CHD3: variants seen among roughly 807,000 people sequenced by gnomAD.
The protein encoded by CHD3 is chromodomain helicase DNA binding protein 3, also known as ATP-dependent chromatin remodeler CHD3.
In CHD3, 52 loss-of-function variants were observed where a neutral mutation model predicts 248.9. The ratio of observed to expected loss-of-function variants is 0.21; its 90% CI spans 0.17 to 0.26. CHD3 has a LOEUF of 0.26. Among genes scored for constraint, CHD3 ranks in the 10% least tolerant of loss-of-function variants. The pLI is 1.00. For missense variants in CHD3, 1,482 were observed against 2,605.8 expected (o/e 0.57, Z 9.39); for synonymous variants, 985 against 985.2 (o/e 1.00, Z 0.00).
upstream of CHD3, among the ~76,000 whole-genome samples, chr17:7,886,699 A>C (rs1370433241): frequency 6.6e-6 from 1 of 151,964 alleles, no homozygotes; most frequent in Non-Finnish European, 1.5e-5. The surrounding 1 kb of genome is among the most constrained non-coding windows in gnomAD (Gnocchi z 4.2). Flanking sequence ...TTGTGGGGAG[A>C]GGGTGCCTTT....
chr17:7,885,055 G>A (rs1210337591), upstream of CHD3: 3 of 999,062 alleles, frequency 3.0e-6, no homozygotes, highest in Non-Finnish European at 3.6e-6. Flanking sequence ...CGCCACCGCT[G>A]CCCCCGCCGC....
Position 7,910,209 on chromosome 17 carries a change from C to T in CHD3, c.5591-219C>T. The T allele has an allele frequency of 1.7e-6, 1 of 596,784 alleles. No homozygotes were observed. Among genetic ancestry groups the T allele is most frequent in the Admixed American group, 3.0e-5 (1 of 33,786 alleles). The allele number at this position is 596,784 out of a possible 1,614,324, so 37.0% of individuals were successfully genotyped here. ...TGTCTTCTGTGGTAATCTGGTCTCTCTGTCTCTTTTCCTGACACTTTTTCT... is the reference window on the plus strand; with the variant it reads ...TGTCTTCTGTGGTAATCTGGTCTCTTTGTCTCTTTTCCTGACACTTTTTCT... On this transcript the variant is annotated intron_variant, in intron 37 of 39. Coordinates refer to ENST00000330494, the MANE Select transcript of CHD3 (RefSeq NM_001005273.3). The surrounding 1 kb of genome is among the most constrained non-coding windows in gnomAD (Gnocchi z 4.7).
rs773705442 is a variant in CHD3 at position 7,906,620 on chromosome 17, G to A, written c.4426G>A (p.Asp1476Asn). The change falls in exon 29 of 40, where the codon GAT (aspartate) becomes AAT (asparagine). Residue 1476 changes from aspartate (D) to asparagine (N), a missense_variant. By Grantham distance (23) the Asp-to-Asn change is conservative. Around this residue, in one of 20 missense-constraint regions of CHD3, gnomAD observed 156 missense variants for 420.3 expected, o/e 0.37. Coordinates refer to ENST00000330494, the MANE Select transcript of CHD3 (RefSeq NM_001005273.3). The surrounding 1 kb of genome is among the most constrained non-coding windows in gnomAD (Gnocchi z 5.0). ...GGCAGACGGCTCTGAAACCTTTGCCGATGGGGTCCCTCGGGAGGGACTGAG... is the reference window on the plus strand; with the variant it reads ...GGCAGACGGCTCTGAAACCTTTGCCAATGGGGTCCCTCGGGAGGGACTGAG... ...PGADGSETFA[D>N]GVPREGLSRQ... 1 of 1,613,904 alleles carries A rather than the reference G, an allele frequency of 6.2e-7. No homozygotes were observed. The highest frequency in any genetic ancestry group is 8.5e-7 in the Non-Finnish European group (1 of 1,179,940).
In CHD3 at chr17:7,908,431, C is replaced by A; in HGVS notation, c.5182C>A (p.Arg1728=). The change falls in exon 35 of 40, where the codon CGG becomes AGG. Residue 1728 remains arginine (R), a synonymous_variant. Coordinates refer to ENST00000330494, the MANE Select transcript of CHD3 (RefSeq NM_001005273.3). The surrounding 1 kb of genome is among the most constrained non-coding windows in gnomAD (Gnocchi z 5.8). ...TCACACACTGTGGCAGAATGAGGAACGGGCAGCTATTTCCTCGGGGAAACT... is the reference window on the plus strand; with the variant it reads ...TCACACACTGTGGCAGAATGAGGAAAGGGCAGCTATTTCCTCGGGGAAACT... ...ELHTLWQNEE[R]AAISSGKLNE... is the part of the protein sequence containing the mutation. 6.2e-7 allele frequency: 1 copy of A among 1,613,640 alleles called. No individual in the cohort carries two copies. The highest frequency in any genetic ancestry group is 8.5e-7 in the Non-Finnish European group (1 of 1,179,746).
Position 7,894,573 on chromosome 17 carries a change from C to A in CHD3, c.1234C>A (p.Arg412=). Residue 412 remains arginine (R), a synonymous_variant, in exon 8 of 40, where the codon CGG becomes AGG. Coordinates refer to ENST00000330494, the MANE Select transcript of CHD3 (RefSeq NM_001005273.3). The part of the protein sequence containing the change: ...HLVCLDPELD[R]APEGKWSCPH... The stretch of plus-strand genomic sequence containing the variant: ...CGTCTGCCTTGATCCTGAGCTTGAC[C>A]GGGCTCCAGAGGGCAAATGGAGCTG... 6.2e-7 allele frequency: 1 copy of A among 1,613,936 alleles called. No homozygotes were observed. Among genetic ancestry groups the A allele is most frequent in the Non-Finnish European group, 8.5e-7 (1 of 1,179,916 alleles).
chr17:7,909,542 TGATA>T lies in CHD3; in HGVS notation c.5590+206_5590+209del, dbSNP rs1477711748. 1 of 702,658 alleles carries T rather than the reference TGATA, an allele frequency of 1.4e-6. No individual in the cohort carries two copies. Among genetic ancestry groups the T allele is most frequent in the African/African-American group, 1.9e-5 (1 of 53,746 alleles). 43.5% of individuals were successfully genotyped at this position (702,658 alleles called of 1,614,324 possible). A position where few individuals can be genotyped will look rare whatever the true frequency, so the allele number is the denominator to read the frequency against. Reference sequence around the variant, plus strand: ...GTGCAAGCCAACCCTCATCCATGTCTGATAGCATTCACATCCGTGCCCAATAGAG... The same window carrying T: ...GTGCAAGCCAACCCTCATCCATGTCTGCATTCACATCCGTGCCCAATAGAG... On this transcript the variant is annotated intron_variant, in intron 37 of 39. Transcript: ENST00000330494. This position sits in a 1 kb window ranked among gnomAD's most constrained non-coding sequence, Gnocchi z 8.1.
At position 7,908,571 on chromosome 17, in the gene CHD3, G is replaced by A; in HGVS notation, c.5261+61G>A. 1 of 1,501,028 alleles carries A rather than the reference G, an allele frequency of 6.7e-7. No individual in the cohort carries two copies. The allele number at this position is 1,501,028 out of a possible 1,614,324, so 93.0% of individuals were successfully genotyped here. On this transcript the variant is annotated intron_variant, in intron 35 of 39. Transcript: ENST00000330494. This position sits in a 1 kb window ranked among gnomAD's most constrained non-coding sequence, Gnocchi z 5.8. Reference sequence around the variant, plus strand: ...CTCTCAAGCTGGCAAAAAAAAAAAAGATGATTTCACACCCAGGGACAGGGC... The same window carrying A: ...CTCTCAAGCTGGCAAAAAAAAAAAAAATGATTTCACACCCAGGGACAGGGC...
Position 7,902,988 on chromosome 17 carries a change from TG to T in CHD3, c.3425del (p.Gly1142AlafsTer38). The T allele has an allele frequency of 6.2e-7, 1 of 1,614,130 alleles. No individual in the cohort carries two copies. The highest frequency in any genetic ancestry group is 8.5e-7 in the Non-Finnish European group (1 of 1,180,032). ...CFLLSTRAGG[L>X]GINLATADTV... The stretch of plus-strand genomic sequence containing the variant: ...CTCCTGTCCACCCGAGCTGGGGGCC[TG>T]GGCATCAATCTGGCCACTGCTGACA... On this transcript the variant is annotated frameshift_variant, in exon 22 of 40. Transcript: ENST00000330494. LOFTEE classifies it high-confidence loss of function.
upstream of CHD3, chr17:7,888,735 C>T (rs1968376854): frequency 4.5e-6 from 5 of 1,116,746 alleles, no homozygotes; most frequent in South Asian, 2.0e-5. Context: ...TGGGTGCGCG[C>T]GTGCGCGCGC....
rs1970192729 is a variant in CHD3, at chr17:7,900,657, C to T, written c.2904C>T (p.Leu968=). 1 of 1,613,962 alleles carries T rather than the reference C, an allele frequency of 6.2e-7. No individual in the cohort carries two copies. Among genetic ancestry groups the T allele is most frequent in the Admixed American group, 1.7e-5 (1 of 59,998 alleles). The part of the protein sequence containing the change: ...DLLGPHMLRR[L]KADVFKNMPA... ...TGGGGCCACACATGCTGCGGAGACT[C>T]AAGGCAGATGTCTTTAAGAACATGC... Residue 968 remains leucine (L), a synonymous_variant, in exon 18 of 40, where the codon CTC becomes CTT. Transcript: ENST00000330494. The surrounding 1 kb of genome is among the most constrained non-coding windows in gnomAD (Gnocchi z 6.5).
chr17:7,885,024 T>G, upstream of CHD3: 1 of 1,178,952 alleles, frequency 8.5e-7, no homozygotes, highest in Non-Finnish European at 1.0e-6. Context: ...TGCCACCTCT[T>G]CCCGCCGCCG....
upstream of CHD3, among the ~76,000 whole-genome samples, chr17:7,888,411 G>C (rs1023480720): frequency 3.9e-5 from 6 of 152,226 alleles, no homozygotes; most frequent in Admixed American, 2.6e-4. Flanking sequence ...CCAAGCCCAG[G>C]CTTTCCCATC....
At chr17:7,888,726 G>C, upstream of CHD3, 1 of 952,248 alleles carries the variant, frequency 1.1e-6, no homozygotes, top group Non-Finnish European at 1.4e-6. Flanking sequence ...GTGTGGGTGT[G>C]GGTGCGCGCG....
At position 7,895,602 on chromosome 17, in the gene CHD3, C is replaced by A; in HGVS notation, c.1707+60C>A. On this transcript the variant is annotated intron_variant, in intron 10 of 39. Coordinates refer to ENST00000330494, the MANE Select transcript of CHD3 (RefSeq NM_001005273.3). The surrounding 1 kb of genome is among the most constrained non-coding windows in gnomAD (Gnocchi z 4.9). ...CCTCATTTCCTGCCATCCTCTCCCT[C>A]TCTTACTCCTCTGTTTGTTGGGTTC... 7.1e-7 allele frequency: 1 copy of A among 1,415,942 alleles called. No individual in the cohort carries two copies. The highest frequency in any genetic ancestry group is 9.9e-7 in the Non-Finnish European group (1 of 1,007,990). The allele number at this position is 1,415,942 out of a possible 1,614,324, so 87.7% of individuals were successfully genotyped here. A position where few individuals can be genotyped will look rare whatever the true frequency, so the allele number is the denominator to read the frequency against.
At position 7,912,236 on chromosome 17, in the gene CHD3, T is replaced by G. The variant is rs947489565; in HGVS notation, c.*651T>G. 1.0e-4 allele frequency: 17 copies of G among 165,214 alleles called. No homozygotes were observed. The highest frequency in any genetic ancestry group is 4.1e-4 in the African/African-American group (17 of 41,550). 10.2% of individuals were successfully genotyped at this position (165,214 alleles called of 1,614,324 possible). A position where few individuals can be genotyped will look rare whatever the true frequency, so the allele number is the denominator to read the frequency against. On this transcript the variant is annotated 3_prime_UTR_variant, in exon 40 of 40. Coordinates refer to ENST00000330494, the MANE Select transcript of CHD3 (RefSeq NM_001005273.3). Reference sequence around the variant, plus strand: ...GTGTACCGGCATCTTGTGTTGGGAATGTTCCCCCCTCCCTAGGGACCAAGG... The same window carrying G: ...GTGTACCGGCATCTTGTGTTGGGAAGGTTCCCCCCTCCCTAGGGACCAAGG...
At position 7,903,768 on chromosome 17, in the gene CHD3, C is replaced by T; in HGVS notation, c.3728-57C>T. ...AAAGGACGCAGAGTAGAAGCTTTCCCATCAGCCTTTCTAAACTTTGGAACC... is the reference window on the plus strand; with the variant it reads ...AAAGGACGCAGAGTAGAAGCTTTCCTATCAGCCTTTCTAAACTTTGGAACC... On this transcript the variant is annotated intron_variant, in intron 23 of 39. Transcript: ENST00000330494. This position sits in a 1 kb window ranked among gnomAD's most constrained non-coding sequence, Gnocchi z 6.8. The T allele has an allele frequency of 6.3e-7, 1 of 1,578,784 alleles. No homozygotes were observed. Among genetic ancestry groups the T allele is most frequent in the South Asian group, 1.1e-5 (1 of 88,586 alleles).
At position 7,908,709 on chromosome 17, in the gene CHD3, A is replaced by G. The variant is rs1165629044; in HGVS notation, c.5274A>G (p.Ala1758=). ...LLAGIVLHGY[A]RWQDIQNDAQ... ...CCTTCATTGGTAGCCATGGCTATGCACGGTGGCAGGACATCCAGAATGATG... is the reference window on the plus strand; with the variant it reads ...CCTTCATTGGTAGCCATGGCTATGCGCGGTGGCAGGACATCCAGAATGATG... Residue 1758 remains alanine, a synonymous_variant, in exon 36 of 40, where the codon GCA becomes GCG. Coordinates refer to ENST00000330494, the MANE Select transcript of CHD3 (RefSeq NM_001005273.3). The surrounding 1 kb of genome is among the most constrained non-coding windows in gnomAD (Gnocchi z 5.8). 1 of 1,614,190 alleles carries G rather than the reference A, an allele frequency of 6.2e-7. No homozygotes were observed. Among genetic ancestry groups the G allele is most frequent in the Admixed American group, 1.7e-5 (1 of 60,032 alleles).
chr17:7,895,589 C>A lies in CHD3; in HGVS notation c.1707+47C>A. 1 of 1,488,114 alleles carries A rather than the reference C, an allele frequency of 6.7e-7. No homozygotes were observed. The highest frequency in any genetic ancestry group is 9.4e-7 in the Non-Finnish European group (1 of 1,069,248). 92.2% of individuals were successfully genotyped at this position (1,488,114 alleles called of 1,614,324 possible). Reference sequence around the variant, plus strand: ...CTCTCCCCCATGACCTCATTTCCTGCCATCCTCTCCCTCTCTTACTCCTCT... The same window carrying A: ...CTCTCCCCCATGACCTCATTTCCTGACATCCTCTCCCTCTCTTACTCCTCT... On this transcript the variant is annotated intron_variant, in intron 10 of 39. Coordinates refer to ENST00000330494, the MANE Select transcript of CHD3 (RefSeq NM_001005273.3). The surrounding 1 kb of genome is among the most constrained non-coding windows in gnomAD (Gnocchi z 4.9).
At position 7,889,134 on chromosome 17, in the gene CHD3, C is replaced by A. The variant is rs753325245; in HGVS notation, c.100+34C>A. On this transcript the variant is annotated intron_variant, in intron 1 of 39. Coordinates refer to ENST00000330494, the MANE Select transcript of CHD3 (RefSeq NM_001005273.3). The surrounding 1 kb of genome is among the most constrained non-coding windows in gnomAD (Gnocchi z 4.5). ...CCGAGGAAATGTAAATAGAGGCCTC[C>A]CTCTTGGCAAAAGGATGTCAGGGCC... is the stretch of plus-strand genomic sequence containing the variant. 3 of 1,613,602 alleles carry A rather than the reference C, an allele frequency of 1.9e-6. No individual in the cohort carries two copies. In the South Asian group the frequency reaches 3.3e-5, roughly 18 times the overall value.
Sources: gnomAD v4.1 joint callset for allele counts (sites outside exome capture counted in the v4.1 genomes callset) on GRCh38, gnomAD v4.1.1 for gene constraint, gnomAD v4.1.1 regional missense constraint, Gnocchi (gnomAD v3.1) non-coding constraint, MANE v1.5 for transcripts, NCBI Gene and HGNC (gene_info 2026-07-23, HGNC 2026-07-21) for gene names.